TOGARAM2: variants seen among roughly 807,000 people sequenced by gnomAD.
TOGARAM2 encodes TOG array regulator of axonemal microtubules 2.
In TOGARAM2, 85 loss-of-function variants were observed where a neutral mutation model predicts 93.3. That is an observed-to-expected ratio of 0.91 (90% CI 0.76 to 1.09). TOGARAM2 has a LOEUF of 1.09. TOGARAM2 is among the 50% of genes least tolerant of loss of function. The pLI is 0.00. For missense variants in TOGARAM2, 1,277 were observed against 1,334.5 expected (o/e 0.96, Z 0.67); for synonymous variants, 593 against 552.8 (o/e 1.07, Z -1.02).
At chr2:28,970,702 C>T (rs1671935237) in intron 1 of TOGARAM2, among the ~76,000 whole-genome samples, 1 of 152,196 alleles carries the variant, frequency 6.6e-6, no homozygotes, top group Non-Finnish European at 1.5e-5. Context: ...AACGCACCCA[C>T]CTGCGCCCAC....
At chr2:28,968,652 C>T (rs1671900390) in intron 1 of TOGARAM2, among the ~76,000 whole-genome samples, 1 of 151,692 alleles carries the variant, frequency 6.6e-6, no homozygotes, top group South Asian at 2.1e-4. Context: ...ATTGAAAATA[C>T]AAAAAATACA....
At chr2:28,999,568 C>G (rs1249638700) in intron 4 of TOGARAM2, 100 bp downstream of exon 4, 4 of 1,329,546 alleles carry the variant, frequency 3.0e-6, no homozygotes, top group South Asian at 1.5e-5. Flanking sequence ...AGGTGGCATG[C>G]TGGGATGCCC....
chr2:29,022,832 G>A (rs531740688), intron 11 of TOGARAM2, among the ~76,000 whole-genome samples: 11 of 152,326 alleles, frequency 7.2e-5, no homozygotes, highest in Admixed American at 2.6e-4. Flanking sequence ...GGTCCTGGAG[G>A]GGGGTGGGCT....
Position 29,011,551 on chromosome 2 carries a change from C to T in TOGARAM2, c.877+50C>T, listed in dbSNP as rs746884833. The T allele has an allele frequency of 6.5e-6, 10 of 1,541,440 alleles. No individual in the cohort carries two copies. The Admixed American group carries it at 1.0e-4, about 16-fold the overall frequency. Reference sequence around the variant, plus strand: ...CCTTTGTTATTTGACTCTCTACATTCCTGGGCTGGGTCAGGGAAACAGAAT... The same window carrying T: ...CCTTTGTTATTTGACTCTCTACATTTCTGGGCTGGGTCAGGGAAACAGAAT... On this transcript the variant is annotated intron_variant, in intron 7 of 19. Transcript: ENST00000379558.
In TOGARAM2 at chr2:28,999,095, A is replaced by T. The variant is rs548842547; in HGVS notation, c.140-86A>T. On this transcript the variant is annotated intron_variant, in intron 3 of 19. Transcript: ENST00000379558. ...CACCAGGCAAGTGGCTGCCTGTTAGAAGGAAGCAATGTCAAGGAGCTTGCT... is the reference window on the plus strand; with the variant it reads ...CACCAGGCAAGTGGCTGCCTGTTAGTAGGAAGCAATGTCAAGGAGCTTGCT... 21 of 1,397,090 alleles carry T rather than the reference A, an allele frequency of 1.5e-5. No individual in the cohort carries two copies. In the East Asian group the frequency reaches 4.3e-4, roughly 29 times the overall value. The allele number at this position is 1,397,090 out of a possible 1,614,324, so 86.5% of individuals were successfully genotyped here.
chr2:29,030,360 T>G (rs940748348), intron 14 of TOGARAM2, among the ~76,000 whole-genome samples: 9 of 152,168 alleles, frequency 5.9e-5, no homozygotes, highest in African/African-American at 2.2e-4. Flanking sequence ...TTAGGGGGAC[T>G]GGAAGAATGG....
rs1665405650 is a variant in TOGARAM2, at chr2:29,026,835, G to C, written c.1854-18G>C. ...CCACTATCCTGAGACTGACCCCTGG[G>C]CCATGATTTCCTTTCAGCCACCGGA... On this transcript the variant is annotated intron_variant, in intron 13 of 19. Coordinates refer to ENST00000379558, the MANE Select transcript of TOGARAM2 (RefSeq NM_199280.4). 1 of 1,570,032 alleles carries C rather than the reference G, an allele frequency of 6.4e-7. No homozygotes were observed. Among genetic ancestry groups the C allele is most frequent in the Non-Finnish European group, 8.7e-7 (1 of 1,154,862 alleles).
At chr2:29,015,201 A>T (rs1664488172) in intron 8 of TOGARAM2, among the ~76,000 whole-genome samples, 1 of 152,162 alleles carries the variant, frequency 6.6e-6, no homozygotes, top group Non-Finnish European at 1.5e-5. Flanking sequence ...TGACTGTTAA[A>T]TCAGCACCAC....
intron 1 of TOGARAM2, among the ~76,000 whole-genome samples, chr2:28,992,550 C>T (rs1457067304): frequency 6.6e-6 from 1 of 152,124 alleles, no homozygotes; most frequent in African/African-American, 2.4e-5. Flanking sequence ...GTTCAGAAGG[C>T]CCACTGCAGT....
rs1558421740 is a variant in TOGARAM2, at chr2:29,005,124, T to TGCATGTTGTGA, written c.830+1443_830+1444insCATGTTGTGAG. Among the ~76,000 whole-genome samples, 13 of 135,550 alleles carry TGCATGTTGTGA rather than the reference T, an allele frequency of 9.6e-5. 2 individuals carry two copies. Among genetic ancestry groups the TGCATGTTGTGA allele is most frequent in the African/African-American group, 3.1e-4 (11 of 35,598 alleles). The allele number at this position is 135,550 out of a possible 152,430, so 88.9% of individuals were successfully genotyped here. A position where few individuals can be genotyped will look rare whatever the true frequency, so the allele number is the denominator to read the frequency against. On this transcript the variant is annotated intron_variant, in intron 6 of 19. Coordinates refer to ENST00000379558, the MANE Select transcript of TOGARAM2 (RefSeq NM_199280.4). ...TTGTGAGTGCATGTGTATGGGTGTGTGTGCATGTGTATGTGTGTGAGTGCA... is the reference window on the plus strand; with the variant it reads ...TTGTGAGTGCATGTGTATGGGTGTGTGCATGTTGTGAGTGCATGTGTATGTGTGTGAGTGCA...
chr2:29,003,863 C>T (rs1397052303), intron 6 of TOGARAM2, among the ~76,000 whole-genome samples, 181 bp downstream of exon 6: 6 of 152,240 alleles, frequency 3.9e-5, no homozygotes, highest in East Asian at 3.8e-4. Flanking sequence ...GCATGGTTGC[C>T]GGGGCTTCTC....
chr2:29,044,762 C>G (rs138448142), intron 18 of TOGARAM2, among the ~76,000 whole-genome samples: 1 of 152,112 alleles, frequency 6.6e-6, no homozygotes, highest in Non-Finnish European at 1.5e-5. Context: ...TGAACCACCA[C>G]CAGCTGTGGG....
Position 29,022,324 on chromosome 2 carries a change from C to A in TOGARAM2, c.1511+16C>A. ...GCAGTGACTGGTGAGGAGATGCTTC[C>A]ACCACGTGCTGTGTTCTGGCCGGAA... On this transcript the variant is annotated intron_variant, in intron 11 of 19. Coordinates refer to ENST00000379558, the MANE Select transcript of TOGARAM2 (RefSeq NM_199280.4). 6.2e-7 allele frequency: 1 copy of A among 1,613,516 alleles called. No homozygotes were observed. Among genetic ancestry groups the A allele is most frequent in the Non-Finnish European group, 8.5e-7 (1 of 1,179,688 alleles).
At chr2:29,040,976 T>TA (rs1471880964) in intron 18 of TOGARAM2, among the ~76,000 whole-genome samples, 4 of 151,722 alleles carry the variant, frequency 2.6e-5, no homozygotes, top group African/African-American at 9.7e-5. Flanking sequence ...ATCCTGCTTT[T>TA]AAAAAAATCA....
At chr2:29,006,623 A>C (rs1663892844) in intron 6 of TOGARAM2, among the ~76,000 whole-genome samples, 1 of 151,850 alleles carries the variant, frequency 6.6e-6, no homozygotes, top group African/African-American at 2.4e-5. Flanking sequence ...TTTTTCTCAC[A>C]CTTCCTCATT....
chr2:28,961,755 T>C (rs997468084), intron 1 of TOGARAM2, among the ~76,000 whole-genome samples: 3 of 152,252 alleles, frequency 2.0e-5, no homozygotes, highest in Non-Finnish European at 4.4e-5. Flanking sequence ...ATTTCTGTTA[T>C]CCCAAAGATT....
chr2:29,018,136 C>A, intron 10 of TOGARAM2, 180 bp downstream of exon 10: 1 of 664,192 alleles, frequency 1.5e-6, no homozygotes, highest in Non-Finnish European at 2.5e-6. Flanking sequence ...AGGGACTCAT[C>A]ATTGTCTACA....
At chr2:28,995,165 AGGT>A (rs1219467795) in intron 2 of TOGARAM2, among the ~76,000 whole-genome samples, 1 of 152,118 alleles carries the variant, frequency 6.6e-6, no homozygotes, top group Non-Finnish European at 1.5e-5. Flanking sequence ...TCTGTGGTCA[AGGT>A]TATGTGGATG....
chr2:29,014,931 A>C (rs1664469803), intron 8 of TOGARAM2, among the ~76,000 whole-genome samples: 1 of 152,124 alleles, frequency 6.6e-6, no homozygotes, highest in South Asian at 2.1e-4. Context: ...GCGTGGTTTG[A>C]ACTAACACCC....
Sources: gnomAD v4.1 joint callset for allele counts (sites outside exome capture counted in the v4.1 genomes callset) on GRCh38, gnomAD v4.1.1 for gene constraint, MANE v1.5 for transcripts, NCBI Gene and HGNC (gene_info 2026-07-23, HGNC 2026-07-21) for gene names.